Variants in TYMS observed in about 807,000 individuals in gnomAD.
TYMS encodes the protein thymidylate synthase.
A neutral mutation model predicts 39.3 loss-of-function variants in TYMS; 21 were observed. The observed-to-expected ratio is 0.54, with a 90% CI of 0.38 to 0.77. The LOEUF (loss-of-function observed/expected upper bound fraction) is 0.77, where lower values mean the gene tolerates loss of function less well. Among genes scored for constraint, TYMS ranks in the 30% least tolerant of loss-of-function variants. The pLI is 0.00. For missense variants in TYMS, 273 were observed against 406.7 expected (o/e 0.67, Z 2.83); for synonymous variants, 171 against 162.2 (o/e 1.05, Z -0.41).
chr18:660,819 T>C lies in TYMS; in HGVS notation c.279+1105T>C, dbSNP rs984120169. On this transcript the variant is annotated intron_variant, in intron 2 of 6. Coordinates refer to ENST00000323274, the MANE Select transcript of TYMS (RefSeq NM_001071.4). This position sits in a 1 kb window ranked among gnomAD's most constrained non-coding sequence, Gnocchi z 4.6. ...GAGGTCTGGGCTCAGGTCTGGGCCA[T>C]ACTAGAAGCTGGGATCCCTTCTATA... 6.6e-6 allele frequency among the ~76,000 whole-genome samples: 1 copy of C among 152,182 alleles called. No individual in the cohort carries two copies. The highest frequency in any genetic ancestry group is 1.5e-5 in the Non-Finnish European group (1 of 68,022).
At position 673,277 on chromosome 18, in the gene TYMS, C is replaced by T. The variant is rs2075151713; in HGVS notation, c.*280C>T. On this transcript the variant is annotated 3_prime_UTR_variant, in exon 7 of 7. Transcript: ENST00000323274. ...GAAATGTATGTGCTCTTAGCAAAAA[C>T]ATGTATGTGCATTTCAATCCCACGT... is the stretch of plus-strand genomic sequence containing the variant. The T allele has an allele frequency of 3.6e-6, 1 of 277,544 alleles. No homozygotes were observed. Among genetic ancestry groups the T allele is most frequent in the African/African-American group, 2.1e-5 (1 of 46,604 alleles). The allele number at this position is 277,544 out of a possible 1,614,324, so 17.2% of individuals were successfully genotyped here.
intron 4 of TYMS, among the ~76,000 whole-genome samples, chr18:669,617 C>G (rs2074946362): frequency 6.6e-6 from 1 of 152,000 alleles, no homozygotes; most frequent in African/African-American, 2.4e-5. Context: ...GATGATCTGC[C>G]TGCCTCAGCC....
At chr18:667,800 G>GT (rs1567991245) in intron 3 of TYMS, 2 of 152,264 alleles carry the variant, frequency 1.3e-5, no homozygotes, top group East Asian at 3.9e-4. Flanking sequence ...TAGGGTGTCC[G>GT]TAGGATGTGA....
intron 4 of TYMS, 78 bp from the exon 5 acceptor site, chr18:670,607 TCTGTTTC>T (rs2074998235): frequency 2.0e-6 from 3 of 1,475,866 alleles, no homozygotes; most frequent in Non-Finnish European, 2.8e-6. Flanking sequence ...TGAGTTGGCT[TCTGTTTC>T]TCTCCTGTTT....
chr18:659,285 A>G (rs2074731191), intron 1 of TYMS, among the ~76,000 whole-genome samples: 1 of 151,862 alleles, frequency 6.6e-6, no homozygotes, highest in African/African-American at 2.4e-5. Context: ...TGTTCCTGGG[A>G]CACATGCTTG....
chr18:668,175 TAG>T (rs1168628572), intron 3 of TYMS, among the ~76,000 whole-genome samples: 2 of 152,072 alleles, frequency 1.3e-5, no homozygotes, highest in Non-Finnish European at 2.9e-5. Flanking sequence ...TTAGCACGTG[TAG>T]ACTCTTGTAA....
At chr18:670,482 CACCTGCAGAA>C in intron 4 of TYMS, 200 bp from the exon 5 acceptor site, 1 of 561,262 alleles carries the variant, frequency 1.8e-6, no homozygotes, top group South Asian at 2.4e-5. Context: ...CGTAAATGGA[CACCTGCAGAA>C]ACCTTGCACC....
intron 3 of TYMS, 151 bp downstream of exon 3, chr18:662,471 C>A: frequency 1.7e-6 from 1 of 584,710 alleles, no homozygotes; most frequent in Admixed American, 3.2e-5. Context: ...CAGGTTAAGC[C>A]ACAATTAAGC....
At chr18:661,981 C>T (rs895815127) in intron 2 of TYMS, among the ~76,000 whole-genome samples, 165 bp from the exon 3 acceptor site, 3 of 151,666 alleles carry the variant, frequency 2.0e-5, no homozygotes, top group African/African-American at 7.3e-5. Context: ...GCGAAACTCT[C>T]AAAAAACAAA....
Position 660,174 on chromosome 18 carries a change from G to A in TYMS, c.279+460G>A, listed in dbSNP as rs564187935. 1.3e-5 allele frequency among the ~76,000 whole-genome samples: 2 copies of A among 152,294 alleles called. No individual in the cohort carries two copies. Among genetic ancestry groups the A allele is most frequent in the East Asian group, 1.9e-4 (1 of 5,180 alleles). ...AAGAGCCACGGTCCTTATGGTGTCC[G>A]TTTTTCAGCTCTGACCTTAGCTGCT... On this transcript the variant is annotated intron_variant, in intron 2 of 6. Coordinates refer to ENST00000323274, the MANE Select transcript of TYMS (RefSeq NM_001071.4). The surrounding 1 kb of genome is among the most constrained non-coding windows in gnomAD (Gnocchi z 4.6).
chr18:666,915 T>C (rs112999476), intron 3 of TYMS, among the ~76,000 whole-genome samples: 8,449 of 59,452 alleles, frequency 0.14, 1,150 homozygotes, highest in Non-Finnish European at 0.22. Flanking sequence ...ATGGTGATGG[T>C]GATGGAGATG....
At chr18:662,031 C>T in intron 2 of TYMS, 115 bp from the exon 3 acceptor site, 1 of 1,160,490 alleles carries the variant, frequency 8.6e-7, no homozygotes, top group South Asian at 1.7e-5. Flanking sequence ...CAAGTGCCCA[C>T]CTCCTAGCAA....
chr18:658,208 G>C lies in TYMS; in HGVS notation c.205+261G>C. The C allele has an allele frequency of 5.2e-6, 8 of 1,525,706 alleles. No homozygotes were observed. The highest frequency in any genetic ancestry group is 6.2e-6 in the Non-Finnish European group (7 of 1,130,734). 94.5% of individuals were successfully genotyped at this position (1,525,706 alleles called of 1,614,324 possible). A position where few individuals can be genotyped will look rare whatever the true frequency, so the allele number is the denominator to read the frequency against. Reference sequence around the variant, plus strand: ...CAGCGGCTCCGCGGCCGGGCTCGCAGTCGCCCCAGTGATGCCGTGGCCCCC... The same window carrying C: ...CAGCGGCTCCGCGGCCGGGCTCGCACTCGCCCCAGTGATGCCGTGGCCCCC... On this transcript the variant is annotated intron_variant, in intron 1 of 6. Transcript: ENST00000323274. The surrounding 1 kb of genome is among the most constrained non-coding windows in gnomAD (Gnocchi z 4.5).
chr18:667,481 T>C (rs370525417), intron 3 of TYMS, among the ~76,000 whole-genome samples: 1 of 22,178 alleles, frequency 4.5e-5, no homozygotes, highest in African/African-American at 4.7e-4. Context: ...ATGGTGATGG[T>C]GATGGTGATG....
At position 660,450 on chromosome 18, in the gene TYMS, T is replaced by C. The variant is rs1215725445; in HGVS notation, c.279+736T>C. Among the ~76,000 whole-genome samples the C allele has an allele frequency of 6.6e-6, 1 of 152,078 alleles. No homozygotes were observed. The highest frequency in any genetic ancestry group is 1.9e-4 in the East Asian group (1 of 5,194). ...CCCCTGTTAGAAGGGGGACAGCAGG[T>C]AGTAAAAGTGAAATGTGCTGTAAGC... On this transcript the variant is annotated intron_variant, in intron 2 of 6. Transcript: ENST00000323274. This position sits in a 1 kb window ranked among gnomAD's most constrained non-coding sequence, Gnocchi z 4.6.
chr18:667,977 T>C (rs1567991324), intron 3 of TYMS, among the ~76,000 whole-genome samples: 1 of 143,182 alleles, frequency 7.0e-6, no homozygotes, highest in Non-Finnish European at 1.5e-5. Context: ...AATTTTGTTT[T>C]ACAGATTCAC....
At chr18:670,950 G>C (rs189883916) in intron 5 of TYMS, 83 bp downstream of exon 5, 4 of 1,483,562 alleles carry the variant, frequency 2.7e-6, no homozygotes, top group Admixed American at 2.0e-5. Flanking sequence ...AAATTGCAGA[G>C]TTTAGTCTCT....
chr18:661,988 C>CA (rs1015409336), intron 2 of TYMS, among the ~76,000 whole-genome samples, 158 bp from the exon 3 acceptor site: 12 of 151,702 alleles, frequency 7.9e-5, no homozygotes, highest in African/African-American at 2.4e-4. Context: ...TCTCAAAAAA[C>CA]AAAAAAAAGG....
chr18:657,874 C>T lies in TYMS; in HGVS notation c.132C>T (p.Gly44=). 1 of 1,510,706 alleles carries T rather than the reference C, an allele frequency of 6.6e-7. No individual in the cohort carries two copies. The highest frequency in any genetic ancestry group is 1.4e-5 in the South Asian group (1 of 73,730). 93.6% of individuals were successfully genotyped at this position (1,510,706 alleles called of 1,614,324 possible). The part of the protein sequence containing the change: ...LGQIQHILRC[G]VRKDDRTGTG... ...AGATCCAACACATCCTCCGCTGCGG[C>T]GTCAGGAAGGACGACCGCACGGGCA... The change falls in exon 1 of 7, where the codon GGC becomes GGT. Residue 44 remains glycine, a synonymous_variant. Transcript: ENST00000323274.
Sources: gnomAD v4.1 joint callset for allele counts (sites outside exome capture counted in the v4.1 genomes callset) on GRCh38, gnomAD v4.1.1 for gene constraint, Gnocchi (gnomAD v3.1) non-coding constraint, MANE v1.5 for transcripts, NCBI Gene and HGNC (gene_info 2026-07-23, HGNC 2026-07-21) for gene names.